The following UGT1A5 variants were observed in gnomAD, a reference collection of about 807,000 sequenced individuals.
UGT1A5 encodes UDP-glucuronosyltransferase 1A5.
In UGT1A5, 29 loss-of-function variants were observed where a neutral mutation model predicts 40.3. The observed-to-expected ratio is 0.72, with a 90% confidence interval of 0.54 to 0.98. UGT1A5 has a LOEUF of 0.98. UGT1A5 is among the 50% of genes least tolerant of loss of function. The pLI is 0.00. For missense variants in UGT1A5, 678 were observed against 677.9 expected (o/e 1.00, Z 0.00); for synonymous variants, 257 against 262.5 (o/e 0.98, Z 0.20).
Position 233,740,237 on chromosome 2 carries a change from A to G in UGT1A5, c.867+26379A>G, listed in dbSNP as rs6746419. ...TCAGCTGCGTCTTTATAGCAGGCTG[A>G]GAATAGACTAATACAAGATTGGTGG... On this transcript the variant is annotated intron_variant, in intron 1 of 4. Transcript: ENST00000373414. 5.0e-3 allele frequency among the ~76,000 whole-genome samples: 755 copies of G among 151,996 alleles called. 33 individuals carry two copies. Among genetic ancestry groups the G allele is most frequent in the African/African-American group, 0.017 (720 of 41,218 alleles).
At chr2:233,754,955 G>T in intron 1 of UGT1A5, 1 of 1,314,366 alleles carries the variant, frequency 7.6e-7, no homozygotes, top group Non-Finnish European at 1.0e-6. Context: ...GGTCCCGGCC[G>T]CCAAAGAACT....
intron 1 of UGT1A5, chr2:233,730,118 T>A (rs1380920361): frequency 6.0e-5 from 93 of 1,555,792 alleles, no homozygotes; most frequent in Non-Finnish European, 7.7e-5. Context: ...CTTCTCCTTG[T>A]CATAATAGCC....
chr2:233,717,337 A>G (rs11676072), intron 1 of UGT1A5, among the ~76,000 whole-genome samples: 4,456 of 152,324 alleles, frequency 0.029, 61 homozygotes, highest in African/African-American at 0.039. Flanking sequence ...ACAAATCCCC[A>G]GAAATCGTCC....
In UGT1A5 at chr2:233,772,279, T is replaced by G. The variant is rs202172337; in HGVS notation, c.1325T>G (p.Met442Arg). Residue 442 changes from methionine to arginine, a missense_variant, in exon 5 of 5, where the codon ATG (methionine) becomes AGG (arginine). By Grantham distance (91) the Met-to-Arg change is moderately conservative. Transcript: ENST00000373414. ...INDKSYKENI[M>R]RLSSLHKDRP... The stretch of plus-strand genomic sequence containing the variant: ...GTGTTTAGTTACAAGGAGAACATCA[T>G]GCGCCTCTCCAGCCTTCACAAGGAC... 1.9e-6 allele frequency: 3 copies of G among 1,614,146 alleles called. No homozygotes were observed. The African/African-American group carries it at 4.0e-5, about 22-fold the overall frequency.
At chr2:233,723,413 C>T (rs1262463739) in intron 1 of UGT1A5, among the ~76,000 whole-genome samples, 1 of 133,572 alleles carries the variant, frequency 7.5e-6, no homozygotes, top group Non-Finnish European at 1.6e-5. Flanking sequence ...TTTCACCATA[C>T]TGGTCAGGCT....
At chr2:233,718,193 G>A (rs1200369383) in intron 1 of UGT1A5, among the ~76,000 whole-genome samples, 4 of 152,124 alleles carry the variant, frequency 2.6e-5, no homozygotes, top group Admixed American at 1.3e-4. Context: ...CAGCCTCCCC[G>A]GAGCTTTTTT....
rs565737138 is a variant in UGT1A5 at position 233,740,144 on chromosome 2, C to T, written c.867+26286C>T. 2.0e-5 allele frequency among the ~76,000 whole-genome samples: 3 copies of T among 151,952 alleles called. No individual in the cohort carries two copies. The South Asian group carries it at 6.2e-4, about 31-fold the overall frequency. On this transcript the variant is annotated intron_variant, in intron 1 of 4. Coordinates refer to ENST00000373414, the MANE Select transcript of UGT1A5 (RefSeq NM_019078.2). Reference sequence around the variant, plus strand: ...ACCTTCTGTCATGATTGTAAGTTTCCTGAGGCCTCCCCAGTCATGTGGAAC... The same window carrying T: ...ACCTTCTGTCATGATTGTAAGTTTCTTGAGGCCTCCCCAGTCATGTGGAAC...
chr2:233,761,143 C>T, intron 1 of UGT1A5: 1 of 1,614,232 alleles, frequency 6.2e-7, no homozygotes, highest in Non-Finnish European at 8.5e-7. Flanking sequence ...CCAAAATCCA[C>T]TATCCCAGGT....
intron 1 of UGT1A5, among the ~76,000 whole-genome samples, chr2:233,751,602 T>C (rs1694760263): frequency 6.6e-6 from 1 of 152,210 alleles, no homozygotes; most frequent in Non-Finnish European, 1.5e-5. Context: ...GGATGGGACC[T>C]GGTGGGAGGT....
chr2:233,712,927 G>A lies in UGT1A5; in HGVS notation c.-65G>A, dbSNP rs1300502786. 9 of 1,611,900 alleles carry A rather than the reference G, an allele frequency of 5.6e-6. No individual in the cohort carries two copies. Among genetic ancestry groups the A allele is most frequent in the East Asian group, 4.5e-5 (2 of 44,890 alleles). On this transcript the variant is annotated 5_prime_UTR_variant, in exon 1 of 5. Transcript: ENST00000373414. Reference sequence around the variant, plus strand: ...GTCTCAGTGACAAGGTAATTAAGACGAAGGAAACAATTCTAGGAGGCACAA... The same window carrying A: ...GTCTCAGTGACAAGGTAATTAAGACAAAGGAAACAATTCTAGGAGGCACAA...
chr2:233,717,187 C>T (rs922401746), intron 1 of UGT1A5, among the ~76,000 whole-genome samples: 12 of 152,214 alleles, frequency 7.9e-5, no homozygotes, highest in Admixed American at 2.6e-4. Flanking sequence ...AGCACCCTCC[C>T]AGGCATGTTC....
At position 233,772,732 on chromosome 2, in the gene UGT1A5, A is replaced by G. The variant is rs1259415832; in HGVS notation, c.*173A>G. On this transcript the variant is annotated 3_prime_UTR_variant, in exon 5 of 5. Transcript: ENST00000373414. ...CTTAAATAAAAATAATAGACTCGCT[A>G]GTCAGTAAAGATATTTGAATATGTA... 4.9e-6 allele frequency: 7 copies of G among 1,442,298 alleles called. No homozygotes were observed. Among genetic ancestry groups the G allele is most frequent in the Non-Finnish European group, 6.4e-6 (7 of 1,099,406 alleles). The allele number at this position is 1,442,298 out of a possible 1,614,324, so 89.3% of individuals were successfully genotyped here.
At chr2:233,733,583 G>C (rs2078417703) in intron 1 of UGT1A5, among the ~76,000 whole-genome samples, 2 of 152,122 alleles carry the variant, frequency 1.3e-5, no homozygotes, top group Admixed American at 1.3e-4. Context: ...TTTGTCATTG[G>C]TTCTGTTTAT....
chr2:233,716,263 C>A lies in UGT1A5; in HGVS notation c.867+2405C>A, dbSNP rs188566072. Reference sequence around the variant, plus strand: ...TGCCCGGACATCCAGCATAATCTCCCCATGTCAAAACCCTTAATATAATCA... The same window carrying A: ...TGCCCGGACATCCAGCATAATCTCCACATGTCAAAACCCTTAATATAATCA... On this transcript the variant is annotated intron_variant, in intron 1 of 4. Transcript: ENST00000373414. Among the ~76,000 whole-genome samples the A allele has an allele frequency of 7.2e-4, 110 of 152,288 alleles. 1 individual carries two copies. Among genetic ancestry groups the A allele is most frequent in the Non-Finnish European group, 1.2e-3 (81 of 68,028 alleles).
At chr2:233,734,280 C>A (rs2078507648) in intron 1 of UGT1A5, among the ~76,000 whole-genome samples, 1 of 152,066 alleles carries the variant, frequency 6.6e-6, no homozygotes, top group South Asian at 2.1e-4. Flanking sequence ...GGAATTTATC[C>A]ATTTCTTCTA....
Position 233,767,868 on chromosome 2 carries a change from G to A in UGT1A5, c.1019G>A (p.Gly340Glu). 6.2e-7 allele frequency: 1 copy of A among 1,614,124 alleles called. No individual in the cohort carries two copies. The change falls in exon 3 of 5, where the codon GGA (glycine) becomes GAA (glutamate). Residue 340 changes from glycine to glutamate, a missense_variant. Physicochemically the swap from Gly to Glu is moderately conservative, Grantham distance 98 (BLOSUM62 -2). Coordinates refer to ENST00000373414, the MANE Select transcript of UGT1A5 (RefSeq NM_019078.2). ...TCCCAGGTCCTGTGGCGGTACACTG[G>A]AACCCGACCATCGAATCTTGCGAAC... ...IPQTVLWRYTGTRPSNLANNT... is the reference protein window; with the variant it reads ...IPQTVLWRYTETRPSNLANNT...
At chr2:233,747,819 G>T (rs1219645107) in intron 1 of UGT1A5, 12 of 1,613,452 alleles carry the variant, frequency 7.4e-6, no homozygotes, top group Non-Finnish European at 1.0e-5. Context: ...GACCAATTCA[G>T]ACCACATGAC....
chr2:233,768,108 G>C, intron 3 of UGT1A5, 112 bp from the exon 4 acceptor site: 1 of 1,594,934 alleles, frequency 6.3e-7, no homozygotes, highest in South Asian at 1.1e-5. Flanking sequence ...GCAAATTTCT[G>C]CAAGGGCATG....
At position 233,754,406 on chromosome 2, in the gene UGT1A5, A is replaced by G. The variant is rs1695474785; in HGVS notation, c.868-12628A>G. The G allele has an allele frequency of 8.8e-6, 3 of 341,438 alleles. No individual in the cohort carries two copies. The Admixed American group carries it at 1.2e-4, about 14-fold the overall frequency. The allele number at this position is 341,438 out of a possible 1,614,324, so 21.2% of individuals were successfully genotyped here. A position where few individuals can be genotyped will look rare whatever the true frequency, so the allele number is the denominator to read the frequency against. ...ACAGAGGTCCTATCCGTGCAGTCCC[A>G]ACAATAAAGACAGGCATTGGCATAA... On this transcript the variant is annotated intron_variant, in intron 1 of 4. Transcript: ENST00000373414.
Sources: gnomAD v4.1 joint callset for allele counts (sites outside exome capture counted in the v4.1 genomes callset) on GRCh38, gnomAD v4.1.1 for gene constraint, MANE v1.5 for transcripts, NCBI Gene and HGNC (gene_info 2026-07-23, HGNC 2026-07-21) for gene names.